SGCZ: variants seen among roughly 807,000 people sequenced by gnomAD.
The protein encoded by SGCZ is zeta-sarcoglycan.
SGCZ carries 40 observed loss-of-function variants against 41.3 expected under a neutral mutation model. That is an observed-to-expected ratio of 0.97 (90% CI 0.75 to 1.26). The LOEUF (loss-of-function observed/expected upper bound fraction) is 1.26, where lower values mean the gene tolerates loss of function less well. Among genes scored for constraint, SGCZ ranks in the 50% most tolerant of loss-of-function variants. The pLI is 0.00. For synonymous variants in SGCZ, 206 were observed against 137.5 expected, an observed-to-expected ratio of 1.50 and a Z score of -3.49; for missense variants, 552 against 369.8, an observed-to-expected ratio of 1.49 and a Z score of -4.04.
chr8:15,186,075 A>G (rs1024644482), intron 1 of SGCZ, among the ~76,000 whole-genome samples: 9 of 141,046 alleles, frequency 6.4e-5, no homozygotes, highest in African/African-American at 2.0e-4. Context: ...TAAAAAAAAT[A>G]AATAAATAAA....
In SGCZ at chr8:14,349,734, T is replaced by C. The variant is rs142512753; in HGVS notation, c.235-25530A>G. ...AAACTGCTGTGTTAAATCTTTGAAA[T>C]TGTAAGACTTAATTCTCAGAGTAGC... On this transcript the variant is annotated intron_variant, in intron 2 of 7. Coordinates refer to ENST00000382080, the MANE Select transcript of SGCZ (RefSeq NM_139167.4). Among the ~76,000 whole-genome samples the C allele has an allele frequency of 8.5e-5, 13 of 152,256 alleles. No homozygotes were observed. In the East Asian group the frequency reaches 2.3e-3, roughly 27 times the overall value.
intron 2 of SGCZ, among the ~76,000 whole-genome samples, chr8:14,371,790 A>G (rs1803917418): frequency 6.6e-6 from 1 of 152,162 alleles, no homozygotes; most frequent in African/African-American, 2.4e-5. Flanking sequence ...AAATTAGGAA[A>G]CGTTATCTTT....
intron 1 of SGCZ, among the ~76,000 whole-genome samples, chr8:14,789,461 C>T (rs1243751736): frequency 6.6e-6 from 1 of 152,160 alleles, no homozygotes; most frequent in Non-Finnish European, 1.5e-5. Context: ...TTCACAACCA[C>T]AAGAATTCAT....
chr8:14,385,012 A>C (rs1430937714), intron 2 of SGCZ, among the ~76,000 whole-genome samples: 1 of 152,230 alleles, frequency 6.6e-6, no homozygotes, highest in East Asian at 1.9e-4. Flanking sequence ...AGATAGCAAG[A>C]ACTAATATAT....
intron 4 of SGCZ, among the ~76,000 whole-genome samples, chr8:14,197,500 C>A (rs1805303559): frequency 6.6e-6 from 1 of 151,738 alleles, no homozygotes; most frequent in Admixed American, 6.6e-5. Context: ...GTATGTTCAG[C>A]CTTTGAAAAA....
chr8:14,545,876 T>A (rs1231162535), intron 2 of SGCZ, among the ~76,000 whole-genome samples: 3 of 152,220 alleles, frequency 2.0e-5, no homozygotes, highest in African/African-American at 7.2e-5. Flanking sequence ...GTTTTGCACT[T>A]GCTATGTATG....
chr8:14,920,233 G>A (rs934111182), intron 1 of SGCZ, among the ~76,000 whole-genome samples: 1 of 152,152 alleles, frequency 6.6e-6, no homozygotes, highest in Non-Finnish European at 1.5e-5. Flanking sequence ...ACACTCTGGA[G>A]AAGAGCCTTA....
At chr8:15,185,546 C>A (rs1028632854) in intron 1 of SGCZ, among the ~76,000 whole-genome samples, 28 of 152,064 alleles carry the variant, frequency 1.8e-4, no homozygotes, top group African/African-American at 6.0e-4. Context: ...GCCTCGATAT[C>A]TTTATATCTG....
chr8:14,219,301 A>G (rs1343764165), intron 4 of SGCZ, among the ~76,000 whole-genome samples: 1 of 152,122 alleles, frequency 6.6e-6, no homozygotes, highest in African/African-American at 2.4e-5. Context: ...GGCTTTTTCA[A>G]TCCCGCTTAA....
At chr8:14,873,550 T>C (rs116274018) in intron 1 of SGCZ, among the ~76,000 whole-genome samples, 4,263 of 152,098 alleles carry the variant, frequency 0.028, 65 homozygotes, top group Middle Eastern at 0.048. Flanking sequence ...AGATCAAGAG[T>C]AGCCGTTACA....
intron 1 of SGCZ, among the ~76,000 whole-genome samples, chr8:15,214,116 G>T (rs79539546): frequency 2.0e-5 from 3 of 151,610 alleles, no homozygotes; most frequent in East Asian, 1.9e-4. Flanking sequence ...CTGATGATCA[G>T]CCATGTGAAA....
intron 1 of SGCZ, among the ~76,000 whole-genome samples, chr8:15,234,319 T>G (rs1419275877): frequency 4.6e-5 from 7 of 152,184 alleles, no homozygotes; most frequent in Non-Finnish European, 7.4e-5. Flanking sequence ...CAATATTCAT[T>G]AACACCCACA....
intron 1 of SGCZ, among the ~76,000 whole-genome samples, chr8:15,058,676 A>T (rs1376562947): frequency 1.3e-5 from 2 of 152,170 alleles, no homozygotes; most frequent in Non-Finnish European, 2.9e-5. Flanking sequence ...ATGTCAACCC[A>T]AATAGTTGTT....
At chr8:14,686,757 G>C (rs545242130) in intron 1 of SGCZ, among the ~76,000 whole-genome samples, 3 of 152,126 alleles carry the variant, frequency 2.0e-5, no homozygotes, top group East Asian at 1.9e-4. Context: ...GCATGGTTTT[G>C]AATATGATAA....
At chr8:14,504,197 A>G (rs529608890) in intron 2 of SGCZ, among the ~76,000 whole-genome samples, 1 of 152,332 alleles carries the variant, frequency 6.6e-6, no homozygotes, top group African/African-American at 2.4e-5. Flanking sequence ...GGAAAATTCA[A>G]TTTGCCTTTA....
At chr8:14,260,088 G>T (rs569048186) in intron 3 of SGCZ, among the ~76,000 whole-genome samples, 84 of 152,180 alleles carry the variant, frequency 5.5e-4, no homozygotes, top group African/African-American at 2.0e-3. Context: ...GTGAATGGGA[G>T]TTCACTCATG....
intron 1 of SGCZ, among the ~76,000 whole-genome samples, chr8:15,058,153 C>A (rs1346281160): frequency 1.3e-5 from 2 of 152,162 alleles, no homozygotes; most frequent in East Asian, 3.9e-4. Context: ...TACACATGAA[C>A]ACTAATAAAT....
intron 3 of SGCZ, among the ~76,000 whole-genome samples, chr8:14,302,667 G>A (rs1004725070): frequency 6.6e-6 from 1 of 152,010 alleles, no homozygotes; most frequent in Non-Finnish European, 1.5e-5. Flanking sequence ...AAGGCCTGCC[G>A]AATACTTCTA....
chr8:15,060,290 C>T (rs1804872951), intron 1 of SGCZ, among the ~76,000 whole-genome samples: 1 of 151,918 alleles, frequency 6.6e-6, no homozygotes, highest in Non-Finnish European at 1.5e-5. Context: ...AAATGATAGA[C>T]TGGATTAAGA....
Sources: allele counts gnomAD v4.1 joint callset (sites outside exome capture counted in the v4.1 genomes callset), GRCh38; gene constraint gnomAD v4.1.1; transcripts MANE v1.5; gene names NCBI Gene and HGNC (gene_info 2026-07-23, HGNC 2026-07-21).